The following FOXP1 variants were observed in gnomAD, a reference collection of about 807,000 sequenced individuals.
The protein encoded by FOXP1 is forkhead box protein P1.
In FOXP1, 15 loss-of-function variants were observed where a neutral mutation model predicts 98.2. That is an observed-to-expected ratio of 0.15 (90% CI 0.10 to 0.24). FOXP1 has a LOEUF of 0.24. FOXP1 is among the 10% of genes least tolerant of loss of function. The pLI is 1.00. For missense variants in FOXP1, 633 were observed against 848.5 expected, an observed-to-expected ratio of 0.75 and a Z score of 3.15; for synonymous variants, 371 against 314.5, an observed-to-expected ratio of 1.18 and a Z score of -1.90.
intron 3 of FOXP1, among the ~76,000 whole-genome samples, chr3:71,389,434 G>C (rs1297710634): frequency 6.6e-6 from 1 of 152,026 alleles, no homozygotes; most frequent in Non-Finnish European, 1.5e-5. Flanking sequence ...TTTTATAAGT[G>C]CTGTTGCAGT....
At chr3:71,436,585 T>A (rs952640164) in intron 3 of FOXP1, among the ~76,000 whole-genome samples, 1 of 152,062 alleles carries the variant, frequency 6.6e-6, no homozygotes, top group Non-Finnish European at 1.5e-5. Flanking sequence ...TGTATTTCCA[T>A]AAAACCCTTA....
intron 6 of FOXP1, among the ~76,000 whole-genome samples, chr3:71,188,399 T>C (rs953498899): frequency 6.6e-6 from 1 of 151,510 alleles, no homozygotes; most frequent in African/African-American, 2.4e-5. Flanking sequence ...TTGCCTCTTT[T>C]TTTCTTTATT....
At chr3:71,582,318 C>G in intron 1 of FOXP1, 1 of 968,998 alleles carries the variant, frequency 1.0e-6, no homozygotes, top group Non-Finnish European at 1.2e-6. Flanking sequence ...CGAGGGAAGG[C>G]GGAGGCAGCA....
intron 6 of FOXP1, among the ~76,000 whole-genome samples, chr3:71,153,500 C>G (rs182386469): frequency 1.2e-3 from 178 of 151,570 alleles, no homozygotes; most frequent in African/African-American, 4.1e-3. Context: ...CCCACTGCCC[C>G]CCGCAATCAT....
At chr3:71,341,241 T>A (rs1340627767) in intron 4 of FOXP1, among the ~76,000 whole-genome samples, 1 of 152,162 alleles carries the variant, frequency 6.6e-6, no homozygotes. Context: ...CATGGCTCAG[T>A]AAATTTAAAA....
In FOXP1 at chr3:71,203,048, A is replaced by C. The variant is rs147360400; in HGVS notation, c.-11-4656T>G. Among the ~76,000 whole-genome samples the C allele has an allele frequency of 4.8e-3, 729 of 152,310 alleles. 10 individuals are homozygous for C. The highest frequency in any genetic ancestry group is 0.029 in the Admixed American group (449 of 15,296). On this transcript the variant is annotated intron_variant, in intron 5 of 20. Coordinates refer to ENST00000649528, the MANE Select transcript of FOXP1 (RefSeq NM_001349338.3). ...GCTCCATGACATACTGACAGCAGGAAACACTGTGTAATCATACAAAGTGCC... is the reference window on the plus strand; with the variant it reads ...GCTCCATGACATACTGACAGCAGGACACACTGTGTAATCATACAAAGTGCC...
chr3:71,377,345 AT>A (rs1273713780), intron 3 of FOXP1, among the ~76,000 whole-genome samples: 2 of 152,308 alleles, frequency 1.3e-5, no homozygotes, highest in Non-Finnish European at 1.5e-5. Context: ...ACTTGGAAAT[AT>A]TTTTTATTTA....
At chr3:71,310,852 C>T (rs2074630502) in intron 4 of FOXP1, among the ~76,000 whole-genome samples, 1 of 152,226 alleles carries the variant, frequency 6.6e-6, no homozygotes, top group Non-Finnish European at 1.5e-5. Context: ...TAGGTTAACA[C>T]AGCTGGAGCC....
chr3:71,434,845 T>G (rs922418942), intron 3 of FOXP1, among the ~76,000 whole-genome samples: 4 of 152,080 alleles, frequency 2.6e-5, no homozygotes, highest in Non-Finnish European at 5.9e-5. Context: ...CACACATGCC[T>G]GCACACACAC....
chr3:71,344,819 C>T (rs1251654410), intron 4 of FOXP1, among the ~76,000 whole-genome samples: 2 of 145,686 alleles, frequency 1.4e-5, no homozygotes, highest in South Asian at 2.3e-4. Flanking sequence ...GGGGAAAGAG[C>T]GAGAGTCCGT....
At chr3:71,056,512 A>T (rs1397171108) in intron 7 of FOXP1, among the ~76,000 whole-genome samples, 1 of 152,204 alleles carries the variant, frequency 6.6e-6, no homozygotes, top group Non-Finnish European at 1.5e-5. Context: ...TTACAGCAGC[A>T]GGCACTGCCA....
chr3:71,022,027 C>T (rs949043880), intron 11 of FOXP1, among the ~76,000 whole-genome samples: 3 of 152,130 alleles, frequency 2.0e-5, no homozygotes, highest in African/African-American at 7.2e-5. Flanking sequence ...GAAACCATTG[C>T]CTAAACTCAA....
At chr3:71,434,431 G>C (rs1193330820) in intron 3 of FOXP1, among the ~76,000 whole-genome samples, 3 of 152,130 alleles carry the variant, frequency 2.0e-5, no homozygotes, top group East Asian at 1.9e-4. Flanking sequence ...CCTCAATACA[G>C]GAGTCCAGAA....
intron 17 of FOXP1, 90 bp downstream of exon 17, chr3:70,976,851 A>G: frequency 1.1e-6 from 1 of 908,312 alleles, no homozygotes; most frequent in East Asian, 2.4e-5. Flanking sequence ...ATATAAATGT[A>G]GCTTCCTTAT....
intron 5 of FOXP1, among the ~76,000 whole-genome samples, chr3:71,216,859 T>C (rs534671948): frequency 2.0e-5 from 3 of 152,242 alleles, no homozygotes; most frequent in Admixed American, 6.5e-5. Flanking sequence ...CATTTGGCAA[T>C]GGCTGAGGAC....
chr3:71,119,280 T>G (rs1487965815), intron 6 of FOXP1, among the ~76,000 whole-genome samples: 3 of 152,196 alleles, frequency 2.0e-5, no homozygotes, highest in East Asian at 1.9e-4. Flanking sequence ...ACCCACAGAA[T>G]GAAGACAGCA....
At chr3:71,581,262 G>T (rs890950786) in intron 2 of FOXP1, 91 of 985,252 alleles carry the variant, frequency 9.2e-5, no homozygotes, top group Non-Finnish European at 1.0e-4. Flanking sequence ...GGGTGAGAAG[G>T]GGGGCGAGGA....
intron 6 of FOXP1, among the ~76,000 whole-genome samples, chr3:71,132,790 C>A: frequency 6.6e-6 from 1 of 152,098 alleles, no homozygotes; most frequent in East Asian, 1.9e-4. Context: ...CAAACGAGTC[C>A]TGGGTAACTA....
chr3:71,055,742 T>TA (rs1297425955), intron 7 of FOXP1, among the ~76,000 whole-genome samples: 6 of 152,218 alleles, frequency 3.9e-5, no homozygotes, highest in Non-Finnish European at 7.3e-5. Flanking sequence ...CGTATCACAA[T>TA]AGAAGTTTAC....
Sources: allele counts gnomAD v4.1 joint callset (sites outside exome capture counted in the v4.1 genomes callset), GRCh38; gene constraint gnomAD v4.1.1; transcripts MANE v1.5; gene names NCBI Gene and HGNC (gene_info 2026-07-23, HGNC 2026-07-21).